Variants in CWH43 observed in about 807,000 individuals in gnomAD.
The protein encoded by CWH43 is cell wall biogenesis 43 C-terminal homolog.
In CWH43, 91 loss-of-function variants were observed where a neutral mutation model predicts 85.7. The observed-to-expected ratio is 1.06, with a 90% CI of 0.90 to 1.26. The LOEUF is 1.26. CWH43 is among the 50% of genes most tolerant of loss of function. CWH43 has a pLI of 0.00. For missense variants in CWH43, 869 were observed against 839.2 expected, an observed-to-expected ratio of 1.04 and a Z score of -0.44; for synonymous variants, 323 against 293.6, an observed-to-expected ratio of 1.10 and a Z score of -1.02.
chr4:49,010,388 A>G (rs1250305879), intron 8 of CWH43, among the ~76,000 whole-genome samples: 1 of 152,096 alleles, frequency 6.6e-6, no homozygotes, highest in African/African-American at 2.4e-5. Context: ...TAGTCTTGCT[A>G]GTGATCTATC....
Position 48,992,187 on chromosome 4 carries a change from C to G in CWH43, c.511+97C>G. The G allele has an allele frequency of 9.5e-7, 1 of 1,052,844 alleles. No individual in the cohort carries two copies. Among genetic ancestry groups the G allele is most frequent in the Non-Finnish European group, 1.4e-6 (1 of 716,068 alleles). 65.2% of individuals were successfully genotyped at this position (1,052,844 alleles called of 1,614,324 possible). A position where few individuals can be genotyped will look rare whatever the true frequency, so the allele number is the denominator to read the frequency against. ...AAGAAAATCTATAAAAGTAGTCTTT[C>G]TGCATTATATCTATATTTCAGCTTT... On this transcript the variant is annotated intron_variant, in intron 4 of 15. Transcript: ENST00000226432. The surrounding 1 kb of genome is among the most constrained non-coding windows in gnomAD (Gnocchi z 4.3).
intron 8 of CWH43, 21 bp from the exon 9 acceptor site, chr4:49,017,228 T>A (rs747137392): frequency 6.3e-7 from 1 of 1,586,316 alleles, no homozygotes; most frequent in South Asian, 1.2e-5. Context: ...AAAAACCCAA[T>A]TATTTCTTTT....
Position 49,038,254 on chromosome 4 carries a change from C to G in CWH43, c.1803+74C>G, listed in dbSNP as rs543995153. On this transcript the variant is annotated intron_variant, in intron 13 of 15. Coordinates refer to ENST00000226432, the MANE Select transcript of CWH43 (RefSeq NM_025087.3). Reference sequence around the variant, plus strand: ...TTTTCTTTCATGTTTTTAAAAAAACCAACCTCACCTAAAAATTTCATGTGC... The same window carrying G: ...TTTTCTTTCATGTTTTTAAAAAAACGAACCTCACCTAAAAATTTCATGTGC... 2.0e-4 allele frequency: 270 copies of G among 1,327,994 alleles called. No individual in the cohort carries two copies. The African/African-American group carries it at 3.7e-3, about 18-fold the overall frequency. 82.3% of individuals were successfully genotyped at this position (1,327,994 alleles called of 1,614,324 possible). A position where few individuals can be genotyped will look rare whatever the true frequency, so the allele number is the denominator to read the frequency against.
In CWH43 at chr4:48,986,785, G is replaced by T. The variant is rs1327952864; in HGVS notation, c.43+313G>T. Reference sequence around the variant, plus strand: ...GTGTCGGCCTTGACCCCGCGCGGCCGGTACCGTCCCCAAAGCCCCCCACCC... The same window carrying T: ...GTGTCGGCCTTGACCCCGCGCGGCCTGTACCGTCCCCAAAGCCCCCCACCC... On this transcript the variant is annotated intron_variant, in intron 1 of 15. Transcript: ENST00000226432. 6 of 1,221,842 alleles carry T rather than the reference G, an allele frequency of 4.9e-6. No homozygotes were observed. The East Asian group carries it at 1.9e-4, about 40-fold the overall frequency. The allele number at this position is 1,221,842 out of a possible 1,614,324, so 75.7% of individuals were successfully genotyped here.
At chr4:49,041,840 T>A (rs1272786757) in intron 13 of CWH43, among the ~76,000 whole-genome samples, 1 of 152,116 alleles carries the variant, frequency 6.6e-6, no homozygotes, top group Non-Finnish European at 1.5e-5. Flanking sequence ...TGAAGGCAAG[T>A]CCCAGAAACT....
At chr4:49,060,726 T>C (rs1577721913) in intron 15 of CWH43, among the ~76,000 whole-genome samples, 1 of 152,222 alleles carries the variant, frequency 6.6e-6, no homozygotes, top group East Asian at 1.9e-4. Flanking sequence ...CTGAAATCTT[T>C]AGCTCTTGTG....
At chr4:49,041,373 T>C in intron 13 of CWH43, among the ~76,000 whole-genome samples, 1 of 152,212 alleles carries the variant, frequency 6.6e-6, no homozygotes, top group Non-Finnish European at 1.5e-5. Context: ...TTCCTACCCA[T>C]GAGCATGGAA....
intron 2 of CWH43, among the ~76,000 whole-genome samples, chr4:48,990,589 A>T (rs1423640773): frequency 1.3e-5 from 2 of 152,232 alleles, no homozygotes; most frequent in African/African-American, 4.8e-5. Flanking sequence ...ATCAATTTAG[A>T]TTATTTTTGA....
intron 6 of CWH43, among the ~76,000 whole-genome samples, chr4:49,002,309 T>C (rs139993502): frequency 1.3e-5 from 2 of 152,278 alleles, no homozygotes; most frequent in African/African-American, 2.4e-5. Context: ...TGGCCAGCAA[T>C]AGGAAAATGC....
intron 15 of CWH43, among the ~76,000 whole-genome samples, chr4:49,055,748 C>G (rs1199530447): frequency 1.3e-5 from 2 of 152,036 alleles, no homozygotes; most frequent in South Asian, 4.1e-4. Flanking sequence ...TACCACCACA[C>G]CCAGCTAATT....
intron 11 of CWH43, 62 bp downstream of exon 11, chr4:49,031,022 G>T (rs1226232287): frequency 1.4e-6 from 2 of 1,426,550 alleles, no homozygotes; most frequent in Non-Finnish European, 1.9e-6. Context: ...GCATAGGCTT[G>T]GAGTGGCAAG....
Position 49,003,905 on chromosome 4 carries a change from C to T in CWH43, c.973C>T (p.Leu325=). ...GACCATTGCCATGATATTTTATCTT[C>T]TAGAAATATTTTTCTGTGCCTGGTG... ...TMTIAMIFYL[L]EIFFCAWCTA... The change falls in exon 7 of 16, where the codon CTA becomes TTA. Residue 325 remains leucine (L), a synonymous_variant. Transcript: ENST00000226432. The T allele has an allele frequency of 6.2e-7, 1 of 1,613,838 alleles. No homozygotes were observed. Among genetic ancestry groups the T allele is most frequent in the Middle Eastern group, 1.7e-4 (1 of 6,058 alleles).
chr4:49,031,799 C>T (rs1407076263), intron 11 of CWH43, among the ~76,000 whole-genome samples: 3 of 152,088 alleles, frequency 2.0e-5, no homozygotes, highest in African/African-American at 7.2e-5. Context: ...GTTTAGATGT[C>T]AGGGGAGGGG....
intron 5 of CWH43, among the ~76,000 whole-genome samples, chr4:48,997,319 A>G (rs111836534): frequency 0.015 from 2,335 of 151,046 alleles, 59 homozygotes; most frequent in African/African-American, 0.053. Context: ...TCTGCCTCCC[A>G]AAGTGCTGGT....
At chr4:48,988,444 A>G (rs1577647046) in intron 1 of CWH43, 33 bp from the exon 2 acceptor site, 1 of 1,502,974 alleles carries the variant, frequency 6.7e-7, no homozygotes, top group South Asian at 1.3e-5. Context: ...TTGAAGTTAC[A>G]CTTTCTCTCT....
chr4:49,044,540 T>C (rs1784562310), intron 13 of CWH43, among the ~76,000 whole-genome samples: 1 of 152,172 alleles, frequency 6.6e-6, no homozygotes, highest in Non-Finnish European at 1.5e-5. Context: ...TGAGTCACTC[T>C]CCAGACCTCC....
In CWH43 at chr4:49,052,729, G is replaced by T. The variant is rs564871223; in HGVS notation, c.2021+1880G>T. Among the ~76,000 whole-genome samples the T allele has an allele frequency of 3.3e-5, 5 of 152,236 alleles. No individual in the cohort carries two copies. In the East Asian group the frequency reaches 5.8e-4, roughly 18 times the overall value. On this transcript the variant is annotated intron_variant, in intron 15 of 15. Coordinates refer to ENST00000226432, the MANE Select transcript of CWH43 (RefSeq NM_025087.3). ...CAGTTTAATTACGAAAATAGTAAAG[G>T]CATAAATAGAAGGCATGCCTTAATT...
At chr4:48,990,043 G>A (rs552920497) in intron 2 of CWH43, among the ~76,000 whole-genome samples, 3 of 152,146 alleles carry the variant, frequency 2.0e-5, no homozygotes, top group Admixed American at 2.0e-4. Context: ...GTCACCTTTG[G>A]TGCTGCCTAT....
chr4:49,046,829 T>A (rs2109833721), intron 14 of CWH43, among the ~76,000 whole-genome samples: 1 of 152,304 alleles, frequency 6.6e-6, no homozygotes, highest in African/African-American at 2.4e-5. Context: ...CACAGGTTCC[T>A]CTACATACAA....
Sources: gnomAD v4.1 joint callset for allele counts (sites outside exome capture counted in the v4.1 genomes callset) on GRCh38, gnomAD v4.1.1 for gene constraint, Gnocchi (gnomAD v3.1) non-coding constraint, MANE v1.5 for transcripts, NCBI Gene and HGNC (gene_info 2026-07-23, HGNC 2026-07-21) for gene names.